The following LAMA1 variants were observed in gnomAD, a reference collection of about 807,000 sequenced individuals.
The protein encoded by LAMA1 is laminin subunit alpha 1, also known as laminin subunit alpha-1.
A neutral mutation model predicts 348.7 loss-of-function variants in LAMA1; 219 were observed. The ratio of observed to expected loss-of-function variants is 0.63; its 90% CI spans 0.56 to 0.70. The LOEUF (loss-of-function observed/expected upper bound fraction) is 0.70. Among genes scored for constraint, LAMA1 ranks in the 30% least tolerant of loss-of-function variants. The probability of loss-of-function intolerance (pLI) is 0.00; values close to 1 mark genes in which losing one functional copy is unlikely to be tolerated. For synonymous variants in LAMA1, 1,487 were observed against 1,491.0 expected (o/e 1.00, Z 0.06); for missense variants, 3,744 against 3,888.0 (o/e 0.96, Z 0.99).
At chr18:7,117,112 C>T (rs1041165057) in intron 1 of LAMA1, among the ~76,000 whole-genome samples, 34 of 152,314 alleles carry the variant, frequency 2.2e-4, no homozygotes, top group African/African-American at 8.2e-4. Context: ...CCCTTCTCGC[C>T]GCGTCTCTCC....
chr18:7,058,795 C>G (rs1022797274), intron 3 of LAMA1, among the ~76,000 whole-genome samples: 3 of 152,186 alleles, frequency 2.0e-5, no homozygotes, highest in Admixed American at 2.0e-4. Flanking sequence ...AGCAGTCTCA[C>G]CTGATTAATA....
rs571765273 is a variant in LAMA1, at chr18:7,009,385, A to G, written c.3874-19T>C. 6 of 1,613,810 alleles carry G rather than the reference A, an allele frequency of 3.7e-6. No homozygotes were observed. The highest frequency in any genetic ancestry group is 1.7e-4 in the Middle Eastern group (1 of 6,004). Reference sequence around the variant, plus strand: ...AAAAATTCTGTAGAATGAGAAACACATTCAATTAAGCTCAGAGGCCAAATT... The same window carrying G: ...AAAAATTCTGTAGAATGAGAAACACGTTCAATTAAGCTCAGAGGCCAAATT... On this transcript the variant is annotated intron_variant, in intron 26 of 62. Transcript: ENST00000389658.
At chr18:7,059,318 G>C (rs890292969) in intron 3 of LAMA1, among the ~76,000 whole-genome samples, 2 of 152,100 alleles carry the variant, frequency 1.3e-5, no homozygotes, top group African/African-American at 4.8e-5. Flanking sequence ...GATGATGCAG[G>C]GGTTCTCACT....
At chr18:7,003,316 T>A (rs888983127) in intron 29 of LAMA1, among the ~76,000 whole-genome samples, 4 of 151,708 alleles carry the variant, frequency 2.6e-5, no homozygotes, top group Admixed American at 1.3e-4. Context: ...AGAGGCATTA[T>A]CTCGGCTCAC....
chr18:6,962,570 A>G (rs544535039), intron 51 of LAMA1, among the ~76,000 whole-genome samples: 1 of 152,334 alleles, frequency 6.6e-6, no homozygotes, highest in South Asian at 2.1e-4. Flanking sequence ...CCTTAGGACT[A>G]GAGAAAGGGA....
chr18:7,043,190 A>G, intron 8 of LAMA1, 37 bp downstream of exon 8: 1 of 1,605,450 alleles, frequency 6.2e-7, no homozygotes, highest in Non-Finnish European at 8.5e-7. Flanking sequence ...CCTGGGGAAG[A>G]TGATGAAGAT....
At chr18:7,034,772 C>T (rs1430732062) in intron 13 of LAMA1, 82 bp from the exon 14 acceptor site, 1 of 1,367,750 alleles carries the variant, frequency 7.3e-7, no homozygotes, top group Non-Finnish European at 1.0e-6. Flanking sequence ...TTGTATTCAG[C>T]AACGTGGTTT....
chr18:6,942,383 T>A (rs898982019), intron 62 of LAMA1, 144 bp from the exon 63 acceptor site: 30 of 888,930 alleles, frequency 3.4e-5, no homozygotes, highest in Non-Finnish European at 5.0e-5. Flanking sequence ...ATCTTCCACA[T>A]ATGTGGTGTC....
At chr18:7,023,676 C>G (rs2057928863) in intron 18 of LAMA1, among the ~76,000 whole-genome samples, 1 of 152,154 alleles carries the variant, frequency 6.6e-6, no homozygotes, top group Admixed American at 6.5e-5. Flanking sequence ...TCAGCCAGAG[C>G]TGGGCACTGA....
At chr18:7,023,523 C>G (rs2057928064) in intron 18 of LAMA1, 148 bp from the exon 19 acceptor site, 1 of 733,824 alleles carries the variant, frequency 1.4e-6, no homozygotes, top group South Asian at 1.5e-5. Flanking sequence ...CCCACTCGGG[C>G]ATTCCCAGAT....
Position 7,044,817 on chromosome 18 carries a change from T to C in LAMA1, c.881A>G (p.His294Arg). The change falls in exon 7 of 63, where the codon CAT (histidine) becomes CGT (arginine). Residue 294 changes from histidine (H) to arginine (R), a missense_variant. Transcript: ENST00000389658. ...GTTACAGCTCTCCCCGCAAGTATTA[T>C]GCTCACATTGACACTGCAGTTTCTA... ...TTKKLQCQCE[H>R]NTCGESCNRC... 1 of 1,614,086 alleles carries C rather than the reference T, an allele frequency of 6.2e-7. No individual in the cohort carries two copies. The highest frequency in any genetic ancestry group is 8.5e-7 in the Non-Finnish European group (1 of 1,179,934).
At chr18:7,107,923 A>G (rs1311865410) in intron 1 of LAMA1, among the ~76,000 whole-genome samples, 2 of 151,982 alleles carry the variant, frequency 1.3e-5, no homozygotes, top group South Asian at 2.1e-4. Context: ...CTGAGGCAGG[A>G]GAATGGCGTG....
At chr18:7,078,973 G>A (rs531451974) in intron 3 of LAMA1, among the ~76,000 whole-genome samples, 3 of 151,854 alleles carry the variant, frequency 2.0e-5, no homozygotes, top group Admixed American at 1.3e-4. Context: ...ACGACAGAGT[G>A]AGACTTTGTC....
Position 7,049,059 on chromosome 18 carries a change from A to T in LAMA1, c.768+19T>A. 6.2e-7 allele frequency: 1 copy of T among 1,607,080 alleles called. No homozygotes were observed. Among genetic ancestry groups the T allele is most frequent in the Admixed American group, 1.7e-5 (1 of 59,972 alleles). On this transcript the variant is annotated intron_variant, in intron 5 of 62. Transcript: ENST00000389658. ...GAATCTTTTTATTTTATTTGGCAGG[A>T]CTGCCGTCCCATACTCACGCGTCTG...
intron 36 of LAMA1, among the ~76,000 whole-genome samples, chr18:6,989,401 A>T (rs371770111): frequency 6.6e-6 from 1 of 152,312 alleles, no homozygotes; most frequent in Non-Finnish European, 1.5e-5. Flanking sequence ...CCCAGCATGA[A>T]AAGTAATCAG....
rs1022229896 is a variant in LAMA1 at position 6,971,904 on chromosome 18, T to C, written c.6852A>G (p.Leu2284=). 3.1e-6 allele frequency: 5 copies of C among 1,614,136 alleles called. No individual in the cohort carries two copies. Among genetic ancestry groups the C allele is most frequent in the South Asian group, 2.2e-5 (2 of 91,082 alleles). The change falls in exon 48 of 63, where the codon CTA becomes CTG. Residue 2284 remains leucine (L), a synonymous_variant. Coordinates refer to ENST00000389658, the MANE Select transcript of LAMA1 (RefSeq NM_005559.4). ...TGCCTTCCCTTTCAATATAGTTCCA[T>C]AGGCCTATGGATTTTCCATTCAGGA... is the stretch of plus-strand genomic sequence containing the variant. The part of the protein sequence containing the change: ...EAFLNGKSIG[L]WNYIEREGKC...
intron 9 of LAMA1, among the ~76,000 whole-genome samples, chr18:7,041,430 C>G (rs1367937371): frequency 1.3e-5 from 2 of 152,142 alleles, no homozygotes; most frequent in Non-Finnish European, 2.9e-5. Flanking sequence ...ACGTAAGAAT[C>G]AATTCAGTTG....
At chr18:6,957,195 G>C (rs1466489860) in intron 55 of LAMA1, 2 of 282,562 alleles carry the variant, frequency 7.1e-6, no homozygotes, top group South Asian at 7.6e-5. Context: ...CTTGTCACAT[G>C]CACTTTCACT....
chr18:6,955,336 G>A lies in LAMA1; in HGVS notation c.8207+17C>T, dbSNP rs374282684. The stretch of plus-strand genomic sequence containing the variant: ...TAGCAATGAGACGCCGCATAAGGAT[G>A]TTAGAATGATACCTACTTCTTTCTG... On this transcript the variant is annotated intron_variant, in intron 57 of 62. Coordinates refer to ENST00000389658, the MANE Select transcript of LAMA1 (RefSeq NM_005559.4). The A allele has an allele frequency of 6.9e-6, 11 of 1,595,942 alleles. No homozygotes were observed. The African/African-American group carries it at 1.1e-4, about 16-fold the overall frequency.
Sources: gnomAD v4.1 joint callset for allele counts (sites outside exome capture counted in the v4.1 genomes callset) on GRCh38, gnomAD v4.1.1 for gene constraint, MANE v1.5 for transcripts, NCBI Gene and HGNC (gene_info 2026-07-23, HGNC 2026-07-21) for gene names.